Variants in PRR11 observed in about 807,000 individuals in gnomAD.
PRR11 encodes the protein proline rich 11, also known as proline-rich protein 11.
PRR11 carries 30 observed loss-of-function variants against 45.6 expected under a neutral mutation model. The ratio of observed to expected loss-of-function variants is 0.66; its 90% CI spans 0.49 to 0.89. PRR11 has a LOEUF of 0.89. PRR11 is among the 40% of genes least tolerant of loss of function. PRR11 has a pLI of 0.00. For synonymous variants in PRR11, 128 were observed against 153.5 expected (o/e 0.83, Z 1.23); for missense variants, 373 against 424.8 (o/e 0.88, Z 1.07).
intron 9 of PRR11, among the ~76,000 whole-genome samples, chr17:59,200,376 C>G (rs778663709): frequency 4.6e-5 from 7 of 152,144 alleles, no homozygotes; most frequent in Non-Finnish European, 1.0e-4. Flanking sequence ...CGGAAAGTCG[C>G]TTGAGGCCAG....
chr17:59,192,734 A>G (rs1318142705), intron 4 of PRR11, among the ~76,000 whole-genome samples: 1 of 152,152 alleles, frequency 6.6e-6, no homozygotes, highest in Admixed American at 6.6e-5. Context: ...GCCTCATTTT[A>G]ACTTAATCAC....
chr17:59,166,890 G>A (rs1388711690), intron 1 of PRR11, among the ~76,000 whole-genome samples: 2 of 151,950 alleles, frequency 1.3e-5, no homozygotes, highest in African/African-American at 2.4e-5. Flanking sequence ...AGGACCGGGC[G>A]CGGTGGCTTA....
intron 1 of PRR11, among the ~76,000 whole-genome samples, chr17:59,158,568 C>T (rs1450215287): frequency 1.3e-5 from 2 of 152,106 alleles, no homozygotes; most frequent in African/African-American, 2.4e-5. Context: ...TTTGTACATA[C>T]GTACAGAAAG....
At chr17:59,164,453 G>A (rs1230699401) in intron 1 of PRR11, among the ~76,000 whole-genome samples, 1 of 152,114 alleles carries the variant, frequency 6.6e-6, no homozygotes, top group Admixed American at 6.6e-5. Flanking sequence ...ACTTTGGGAG[G>A]CTGAGGTAGG....
At position 59,197,392 on chromosome 17, in the gene PRR11, C is replaced by T. The variant is rs1238094233; in HGVS notation, c.858-152C>T. 1.1e-5 allele frequency: 7 copies of T among 654,874 alleles called. No homozygotes were observed. The Middle Eastern group carries it at 1.3e-3, about 120-fold the overall frequency. 40.6% of individuals were successfully genotyped at this position (654,874 alleles called of 1,614,324 possible). A position where few individuals can be genotyped will look rare whatever the true frequency, so the allele number is the denominator to read the frequency against. ...TCAGCCTCCCGAGTAGCTGGGACTA[C>T]AGGCGCCCACCACCACACCTGGCTA... On this transcript the variant is annotated intron_variant, in intron 7 of 9. Transcript: ENST00000262293.
At chr17:59,159,979 T>C (rs1047310280) in intron 1 of PRR11, among the ~76,000 whole-genome samples, 2 of 152,200 alleles carry the variant, frequency 1.3e-5, no homozygotes, top group African/African-American at 2.4e-5. Flanking sequence ...TGTAAACTCT[T>C]GGAGGGCAGG....
intron 7 of PRR11, among the ~76,000 whole-genome samples, chr17:59,197,035 G>A (rs1036035624): frequency 1.4e-4 from 21 of 151,142 alleles, no homozygotes; most frequent in Non-Finnish European, 2.8e-4. Flanking sequence ...TTTTAGTAGA[G>A]ATGGGGTTTC....
chr17:59,176,656 C>T (rs1837494282), intron 2 of PRR11, among the ~76,000 whole-genome samples: 1 of 142,364 alleles, frequency 7.0e-6, no homozygotes, highest in Admixed American at 7.0e-5. Flanking sequence ...TTTATTTGTA[C>T]ACTGGCGTTG....
intron 1 of PRR11, among the ~76,000 whole-genome samples, chr17:59,162,568 A>G (rs1358799993): frequency 6.6e-6 from 1 of 152,070 alleles, no homozygotes; most frequent in Non-Finnish European, 1.5e-5. Context: ...CTGACTCCCA[A>G]TTGTCAGAGG....
intron 1 of PRR11, among the ~76,000 whole-genome samples, chr17:59,166,672 A>C (rs1273830901): frequency 2.6e-5 from 4 of 152,104 alleles, no homozygotes; most frequent in Non-Finnish European, 5.9e-5. Context: ...GAAAGAACAG[A>C]TATATTTATA....
chr17:59,169,650 T>A (rs1445667959), intron 1 of PRR11, 98 bp from the exon 2 acceptor site: 5 of 1,158,124 alleles, frequency 4.3e-6, no homozygotes, highest in Non-Finnish European at 5.9e-6. Context: ...CAAGGGTGTG[T>A]TCATGGTATA....
chr17:59,175,867 C>T (rs1010414633), intron 2 of PRR11, among the ~76,000 whole-genome samples: 26 of 152,106 alleles, frequency 1.7e-4, no homozygotes, highest in Middle Eastern at 3.2e-3. Flanking sequence ...ATGATCTCAC[C>T]ACTGCACTCC....
chr17:59,177,269 G>A, intron 2 of PRR11: 1 of 547,672 alleles, frequency 1.8e-6, no homozygotes, highest in Non-Finnish European at 3.7e-6. Context: ...TGGAGAGAAA[G>A]GAACACAGAA....
At chr17:59,183,919 A>G (rs575390534) in intron 2 of PRR11, among the ~76,000 whole-genome samples, 1 of 152,000 alleles carries the variant, frequency 6.6e-6, no homozygotes, top group South Asian at 2.1e-4. Context: ...GCAACATAGC[A>G]TGACCCCATC....
At chr17:59,174,240 C>T (rs1018249308) in intron 2 of PRR11, among the ~76,000 whole-genome samples, 1 of 152,154 alleles carries the variant, frequency 6.6e-6, no homozygotes, top group African/African-American at 2.4e-5. Context: ...ACAACTGGGG[C>T]CTTTTGCATT....
At position 59,205,251 on chromosome 17, in the gene PRR11, A is replaced by T. The variant is rs1301342839; in HGVS notation, c.*3620A>T. The stretch of plus-strand genomic sequence containing the variant: ...CTATGGCTTCCTTAAACTACGATTT[A>T]TCATATGCTCCCGGTGTTTACTTTG... On this transcript the variant is annotated 3_prime_UTR_variant, in exon 10 of 10. Coordinates refer to ENST00000262293, the MANE Select transcript of PRR11 (RefSeq NM_018304.4). Among the ~76,000 whole-genome samples the T allele has an allele frequency of 1.3e-5, 2 of 152,132 alleles. No individual in the cohort carries two copies. Among genetic ancestry groups the T allele is most frequent in the African/African-American group, 4.8e-5 (2 of 41,432 alleles).
At position 59,201,975 on chromosome 17, in the gene PRR11, A is replaced by G. The variant is rs760527739; in HGVS notation, c.*344A>G. On this transcript the variant is annotated 3_prime_UTR_variant, in exon 10 of 10. Coordinates refer to ENST00000262293, the MANE Select transcript of PRR11 (RefSeq NM_018304.4). ...AACAAGAGCAAAACAAAAACAAACA[A>G]ACAAACAAAAAAAACCCACCCAAAT... The G allele has an allele frequency of 4.3e-4, 102 of 234,582 alleles. No homozygotes were observed. Among genetic ancestry groups the G allele is most frequent in the Admixed American group, 7.5e-4 (15 of 20,056 alleles). 14.5% of individuals were successfully genotyped at this position (234,582 alleles called of 1,614,324 possible).
chr17:59,203,824 G>C lies in PRR11; in HGVS notation c.*2193G>C. Reference sequence around the variant, plus strand: ...CTCCAGCCTGGGTGACAGAGCAAGAGACCCTGTCTCAAAAAAAAAAAAAAA... The same window carrying C: ...CTCCAGCCTGGGTGACAGAGCAAGACACCCTGTCTCAAAAAAAAAAAAAAA... On this transcript the variant is annotated 3_prime_UTR_variant, in exon 10 of 10. Transcript: ENST00000262293. The C allele has an allele frequency of 7.9e-6, 1 of 125,870 alleles. No homozygotes were observed. The highest frequency in any genetic ancestry group is 1.6e-5 in the Non-Finnish European group (1 of 63,090). 7.8% of individuals were successfully genotyped at this position (125,870 alleles called of 1,614,324 possible).
At chr17:59,162,249 C>CACACAGAG (rs993569080) in intron 1 of PRR11, among the ~76,000 whole-genome samples, 11 of 135,016 alleles carry the variant, frequency 8.1e-5, no homozygotes, top group African/African-American at 3.1e-4. Flanking sequence ...CACACACACA[C>CACACAGAG]AGAGAGAGAG....
Sources: gnomAD v4.1 joint callset for allele counts (sites outside exome capture counted in the v4.1 genomes callset) on GRCh38, gnomAD v4.1.1 for gene constraint, MANE v1.5 for transcripts, NCBI Gene and HGNC (gene_info 2026-07-23, HGNC 2026-07-21) for gene names.